APP: variants seen among roughly 807,000 people sequenced by gnomAD.
APP encodes amyloid beta precursor protein, also known as amyloid-beta precursor protein.
In APP, 31 loss-of-function variants were observed where a neutral mutation model predicts 101.4. The ratio of observed to expected loss-of-function variants is 0.31; its 90% confidence interval spans 0.23 to 0.41. APP has a LOEUF of 0.41. APP is among the 10% of genes least tolerant of loss of function. The probability of loss-of-function intolerance (pLI) is 1.00; values close to 1 mark genes in which losing one functional copy is unlikely to be tolerated. For missense variants in APP, 839 were observed against 1,003.7 expected (o/e 0.84, Z 2.22); for synonymous variants, 366 against 364.4 (o/e 1.00, Z -0.05).
At chr21:26,073,925 T>C (rs920824130) in intron 3 of APP, among the ~76,000 whole-genome samples, 5 of 152,202 alleles carry the variant, frequency 3.3e-5, no homozygotes, top group African/African-American at 9.7e-5. Context: ...AGAATATCAT[T>C]AGTCCATGGC....
rs536691311 is a variant in APP at position 26,131,024 on chromosome 21, G to A, written c.58-18878C>T. Among the ~76,000 whole-genome samples, 5 of 152,254 alleles carry A rather than the reference G, an allele frequency of 3.3e-5. No individual in the cohort carries two copies. The South Asian group carries it at 1.0e-3, about 32-fold the overall frequency. ...GCAGGTGGATCACGTGAGGTCGGGA[G>A]TTCGAGACCAGCCTGACCAACATGG... On this transcript the variant is annotated intron_variant, in intron 1 of 17. Coordinates refer to ENST00000346798, the MANE Select transcript of APP (RefSeq NM_000484.4).
At chr21:26,011,936 T>C (rs2043823917) in intron 6 of APP, among the ~76,000 whole-genome samples, 1 of 152,170 alleles carries the variant, frequency 6.6e-6, no homozygotes, top group Non-Finnish European at 1.5e-5. Flanking sequence ...CCTACTCTCA[T>C]AGTTAAAACA....
intron 6 of APP, among the ~76,000 whole-genome samples, chr21:26,017,198 C>CAAAAAAAAAAAAAAAAAAAAAAAAAAAA (rs35206910): frequency 8.9e-5 from 5 of 56,364 alleles, no homozygotes; most frequent in African/African-American, 4.2e-4. Context: ...GACTGTATCT[C>CAAAAAAAAAAAAAAAAAAAAAAAAAAAA]AAAAAAAAAA....
intron 2 of APP, among the ~76,000 whole-genome samples, chr21:26,091,560 C>T (rs1181782585): frequency 1.3e-5 from 2 of 152,130 alleles, no homozygotes; most frequent in African/African-American, 4.8e-5. Context: ...ACTTAAGAAT[C>T]AGCAAATGAG....
intron 8 of APP, among the ~76,000 whole-genome samples, chr21:25,985,532 G>C (rs916577016): frequency 3.9e-5 from 6 of 152,108 alleles, no homozygotes; most frequent in African/African-American, 1.4e-4. Flanking sequence ...TTACACCATT[G>C]TCTTCCCTGG....
chr21:26,170,733 T>G lies in APP; in HGVS notation c.-113A>C. 3.6e-6 allele frequency: 4 copies of G among 1,123,004 alleles called. No individual in the cohort carries two copies. The highest frequency in any genetic ancestry group is 4.8e-6 in the Non-Finnish European group (4 of 837,458). 69.6% of individuals were successfully genotyped at this position (1,123,004 alleles called of 1,614,324 possible). On this transcript the variant is annotated 5_prime_UTR_variant, in exon 1 of 18. Transcript: ENST00000346798. ...CTCCCGGGGCCCCCGCGCACGCTCC[T>G]CCGCGTGCTCTCGCCTACCGCTGCC...
At chr21:25,899,603 T>C (rs911381829) in intron 15 of APP, among the ~76,000 whole-genome samples, 18 of 152,138 alleles carry the variant, frequency 1.2e-4, no homozygotes, top group African/African-American at 4.3e-4. Flanking sequence ...GTGAGCCACG[T>C]TGGAAACAGA....
At chr21:25,968,884 T>C (rs929827979) in intron 11 of APP, among the ~76,000 whole-genome samples, 1 of 152,190 alleles carries the variant, frequency 6.6e-6, no homozygotes, top group Non-Finnish European at 1.5e-5. Flanking sequence ...GATTTACTTA[T>C]ATTCAAATAC....
intron 1 of APP, among the ~76,000 whole-genome samples, chr21:26,121,288 G>C (rs1291780522): frequency 6.6e-6 from 1 of 152,094 alleles, no homozygotes; most frequent in East Asian, 1.9e-4. Context: ...AAGTTTAATT[G>C]CAATTATATT....
chr21:25,952,217 CACACACACAT>C (rs1370379341), intron 13 of APP, among the ~76,000 whole-genome samples: 10 of 151,832 alleles, frequency 6.6e-5, no homozygotes, highest in African/African-American at 1.2e-4. Context: ...CACACACACA[CACACACACAT>C]TAAGAGCACA....
Position 26,125,574 on chromosome 21 carries a change from C to T in APP, c.58-13428G>A, listed in dbSNP as rs2062664698. Among the ~76,000 whole-genome samples, 5 of 151,716 alleles carry T rather than the reference C, an allele frequency of 3.3e-5. No individual in the cohort carries two copies. The South Asian group carries it at 8.3e-4, about 25-fold the overall frequency. On this transcript the variant is annotated intron_variant, in intron 1 of 17. Coordinates refer to ENST00000346798, the MANE Select transcript of APP (RefSeq NM_000484.4). ...TGTAAATTTCAAGGATGAGCACATT[C>T]GGTGCGGTGTTTAGGGGGTGAGTCT...
At chr21:26,035,279 T>G (rs2045052486) in intron 5 of APP, among the ~76,000 whole-genome samples, 1 of 151,942 alleles carries the variant, frequency 6.6e-6, no homozygotes, top group Admixed American at 6.6e-5. Context: ...AAAAACAGAA[T>G]GATCAAGGGA....
chr21:25,940,478 TA>T (rs1277281989), intron 13 of APP, among the ~76,000 whole-genome samples: 2 of 152,230 alleles, frequency 1.3e-5, no homozygotes, highest in African/African-American at 4.8e-5. Flanking sequence ...AACAGATTTT[TA>T]AAAAACTACC....
chr21:26,053,011 T>C (rs941057474), intron 4 of APP, among the ~76,000 whole-genome samples: 4 of 152,164 alleles, frequency 2.6e-5, no homozygotes, highest in African/African-American at 9.7e-5. Flanking sequence ...AGGCTGCGCA[T>C]GTGTGGGGAC....
intron 13 of APP, among the ~76,000 whole-genome samples, chr21:25,924,411 C>CAAAAAAAAAAA (rs551284093): frequency 1.8e-5 from 1 of 56,816 alleles, no homozygotes; most frequent in Non-Finnish European, 2.9e-5. Context: ...TTTGCAAATA[C>CAAAAAAAAAAA]AAAAAAAAAA....
chr21:26,159,281 A>G (rs1213983260), intron 1 of APP, among the ~76,000 whole-genome samples: 5 of 152,148 alleles, frequency 3.3e-5, no homozygotes, highest in Admixed American at 2.6e-4. Context: ...GGGTTTCACC[A>G]TGTTAGCCAG....
At chr21:25,960,263 TA>T (rs1437132708) in intron 11 of APP, among the ~76,000 whole-genome samples, 2 of 151,686 alleles carry the variant, frequency 1.3e-5, no homozygotes, top group African/African-American at 4.8e-5. Flanking sequence ...TAAATTTACT[TA>T]ATCTAAATGG....
At chr21:26,164,435 G>C (rs569304699) in intron 1 of APP, among the ~76,000 whole-genome samples, 1 of 152,296 alleles carries the variant, frequency 6.6e-6, no homozygotes, top group Non-Finnish European at 1.5e-5. Flanking sequence ...GGCAAAGCCT[G>C]TTTATTCGTT....
At chr21:26,151,663 G>A (rs1197414330) in intron 1 of APP, among the ~76,000 whole-genome samples, 1 of 152,162 alleles carries the variant, frequency 6.6e-6, no homozygotes, top group African/African-American at 2.4e-5. Flanking sequence ...AATAAGGAGT[G>A]TGCAACGCAG....
Sources: gnomAD v4.1 joint callset for allele counts (sites outside exome capture counted in the v4.1 genomes callset) on GRCh38, gnomAD v4.1.1 for gene constraint, MANE v1.5 for transcripts, NCBI Gene and HGNC (gene_info 2026-07-23, HGNC 2026-07-21) for gene names.